Variants in MAP3K13 observed in about 807,000 individuals in gnomAD.
MAP3K13 encodes the protein mitogen-activated protein kinase kinase kinase 13, also known as leucine zipper-bearing kinase.
In MAP3K13, 52 loss-of-function variants were observed where a neutral mutation model predicts 104.0. The ratio of observed to expected loss-of-function variants is 0.50; its 90% CI spans 0.40 to 0.63. MAP3K13 has a LOEUF of 0.63. Among genes scored for constraint, MAP3K13 ranks in the 20% least tolerant of loss-of-function variants. The pLI is 0.00. For synonymous variants in MAP3K13, 394 were observed against 442.2 expected (o/e 0.89, Z 1.37); for missense variants, 914 against 1,218.5 (o/e 0.75, Z 3.72).
chr3:185,449,586 GTC>G (rs1715775664), intron 5 of MAP3K13, among the ~76,000 whole-genome samples: 1 of 151,942 alleles, frequency 6.6e-6, no homozygotes, highest in Non-Finnish European at 1.5e-5. Context: ...GGTTTTTGAT[GTC>G]ACTTCTATCA....
At chr3:185,455,873 G>T (rs866516421) in intron 7 of MAP3K13, among the ~76,000 whole-genome samples, 483 of 41,266 alleles carry the variant, frequency 0.012, 8 homozygotes, top group Admixed American at 0.011. Flanking sequence ...ATGAGATATA[G>T]ATGAGATATA....
At chr3:185,331,018 C>T (rs948134948) in intron 2 of MAP3K13, among the ~76,000 whole-genome samples, 13 of 152,164 alleles carry the variant, frequency 8.5e-5, no homozygotes, top group Non-Finnish European at 1.8e-4. Context: ...AGAGGCCTTC[C>T]CAGACTACCC....
chr3:185,370,211 C>T (rs1052435359), intron 1 of MAP3K13, among the ~76,000 whole-genome samples: 70 of 151,906 alleles, frequency 4.6e-4, no homozygotes, highest in African/African-American at 1.6e-3. Context: ...TTTGTTTTCT[C>T]GAGATGGAGT....
chr3:185,461,719 C>T, intron 7 of MAP3K13, among the ~76,000 whole-genome samples: 1 of 150,832 alleles, frequency 6.6e-6, no homozygotes, highest in Admixed American at 6.6e-5. Context: ...CAGGCCACCA[C>T]ACCCAGCTAA....
intron 1 of MAP3K13, among the ~76,000 whole-genome samples, chr3:185,379,428 T>C (rs1460438257): frequency 6.6e-6 from 1 of 151,590 alleles, no homozygotes; most frequent in Admixed American, 6.6e-5. Context: ...GTGAGAGAGG[T>C]TGGAGAAGAG....
chr3:185,362,906 GT>G (rs1723688357), upstream of MAP3K13: 1 of 160,590 alleles, frequency 6.2e-6, no homozygotes, highest in South Asian at 2.1e-4. Flanking sequence ...CAATAATAAT[GT>G]TTTTATGACT....
At chr3:185,349,850 A>G (rs896221536) in intron 2 of MAP3K13, among the ~76,000 whole-genome samples, 5 of 152,186 alleles carry the variant, frequency 3.3e-5, no homozygotes, top group Non-Finnish European at 1.5e-5. Context: ...TGCTCTTAGC[A>G]TGCTGTGTGC....
intron 7 of MAP3K13, among the ~76,000 whole-genome samples, chr3:185,457,139 T>TG (rs145172761): frequency 1.8e-4 from 3 of 16,508 alleles, no homozygotes; most frequent in South Asian, 3.8e-3. Flanking sequence ...GTTGCCACAG[T>TG]CGGGTTCCTC....
chr3:185,287,130 G>T (rs986007224), intron 2 of MAP3K13, among the ~76,000 whole-genome samples: 2 of 152,118 alleles, frequency 1.3e-5, no homozygotes, highest in African/African-American at 4.8e-5. Flanking sequence ...TCAGTGCTTA[G>T]TCTTGCTGAA....
chr3:185,448,088 T>G, intron 5 of MAP3K13, 141 bp downstream of exon 5: 2 of 949,820 alleles, frequency 2.1e-6, no homozygotes, highest in South Asian at 1.3e-5. Flanking sequence ...TCATATTTTC[T>G]GAGGTACTTC....
chr3:185,289,697 A>G (rs114537238), intron 2 of MAP3K13, among the ~76,000 whole-genome samples: 50 of 152,334 alleles, frequency 3.3e-4, no homozygotes, highest in Non-Finnish European at 4.6e-4. Context: ...CTAATTTAAA[A>G]TTGTAGCAAC....
intron 2 of MAP3K13, among the ~76,000 whole-genome samples, chr3:185,329,743 T>A (rs1353510153): frequency 6.6e-6 from 1 of 152,194 alleles, no homozygotes; most frequent in Non-Finnish European, 1.5e-5. Context: ...TTGACTTTAT[T>A]AATGCAGCCA....
At chr3:185,415,583 T>C (rs983702379) in intron 1 of MAP3K13, among the ~76,000 whole-genome samples, 4 of 146,424 alleles carry the variant, frequency 2.7e-5, no homozygotes, top group African/African-American at 7.5e-5. Context: ...ATTTCTTTTT[T>C]TTTTTTTTTT....
At position 185,380,185 on chromosome 3, in the gene MAP3K13, C is replaced by CA. The variant is rs546098154; in HGVS notation, c.-86+16823dup. ...TAGGCGACAAAGTGAGGCTCCGTCT[C>CA]AAAAAACAAAACAAAACAAAAAAAC... is the stretch of plus-strand genomic sequence containing the variant. On this transcript the variant is annotated intron_variant, in intron 1 of 13. Transcript: ENST00000265026. 3.0e-3 allele frequency among the ~76,000 whole-genome samples: 294 copies of CA among 98,438 alleles called. 4 individuals are homozygous for CA. Among genetic ancestry groups the CA allele is most frequent in the Non-Finnish European group, 1.2e-3 (58 of 47,764 alleles). The allele number at this position is 98,438 out of a possible 152,430, so 64.6% of individuals were successfully genotyped here.
At chr3:185,385,314 C>A (rs1454641423) in intron 1 of MAP3K13, among the ~76,000 whole-genome samples, 1 of 152,156 alleles carries the variant, frequency 6.6e-6, no homozygotes, top group South Asian at 2.1e-4. Flanking sequence ...CCATGTCCAA[C>A]TAATTTTTGT....
chr3:185,296,900 A>G (rs1240334011), intron 2 of MAP3K13, among the ~76,000 whole-genome samples: 4 of 152,214 alleles, frequency 2.6e-5, no homozygotes, highest in Non-Finnish European at 5.9e-5. Context: ...ATGGGGACAT[A>G]AAGAGAATAA....
chr3:185,332,103 T>G (rs1722305414), intron 2 of MAP3K13, among the ~76,000 whole-genome samples: 1 of 152,220 alleles, frequency 6.6e-6, no homozygotes, highest in Non-Finnish European at 1.5e-5. Context: ...CTTGTACATG[T>G]ATCATTTTAT....
At chr3:185,383,561 C>CAAAA (rs34255859) in intron 1 of MAP3K13, among the ~76,000 whole-genome samples, 1 of 91,244 alleles carries the variant, frequency 1.1e-5, no homozygotes. Context: ...GACTCTGTCT[C>CAAAA]AAAAAAAAAA....
At chr3:185,410,875 C>T (rs975572708) in intron 1 of MAP3K13, among the ~76,000 whole-genome samples, 1 of 149,116 alleles carries the variant, frequency 6.7e-6, no homozygotes, top group East Asian at 2.0e-4. Context: ...GCAGAGGTTG[C>T]AGTGAACTAA....
Sources: gnomAD v4.1 joint callset for allele counts (sites outside exome capture counted in the v4.1 genomes callset) on GRCh38, gnomAD v4.1.1 for gene constraint, MANE v1.5 for transcripts, NCBI Gene and HGNC (gene_info 2026-07-23, HGNC 2026-07-21) for gene names.